OXCT1: variants seen among roughly 807,000 people sequenced by gnomAD.
OXCT1 encodes succinyl-CoA:3-ketoacid coenzyme A transferase 1, mitochondrial.
In OXCT1, 27 loss-of-function variants were observed where a neutral mutation model predicts 69.6. The ratio of observed to expected loss-of-function variants is 0.39; its 90% CI spans 0.29 to 0.54. The LOEUF is 0.54. Ranked by LOEUF, OXCT1 falls within the 20% of genes least tolerant of loss-of-function variation. OXCT1 has a pLI of 0.72. For missense variants in OXCT1, 437 were observed against 650.2 expected, an observed-to-expected ratio of 0.67 and a Z score of 3.57; for synonymous variants, 202 against 217.8, an observed-to-expected ratio of 0.93 and a Z score of 0.64.
intron 13 of OXCT1, among the ~76,000 whole-genome samples, chr5:41,788,253 GA>G (rs1352273953): frequency 6.6e-6 from 1 of 151,910 alleles, no homozygotes; most frequent in Non-Finnish European, 1.5e-5. Flanking sequence ...ATCCAACAGT[GA>G]AGATAAAATA....
intron 14 of OXCT1, among the ~76,000 whole-genome samples, chr5:41,750,736 A>G (rs1020980286): frequency 1.8e-4 from 27 of 152,024 alleles, no homozygotes; most frequent in Non-Finnish European, 2.1e-4. Flanking sequence ...AGATAGGTGG[A>G]CTCCATTAAG....
intron 7 of OXCT1, among the ~76,000 whole-genome samples, chr5:41,807,892 T>A (rs1363011837): frequency 1.3e-5 from 2 of 152,086 alleles, no homozygotes; most frequent in African/African-American, 4.8e-5. Context: ...TTTTTAAATA[T>A]AGATACAAAT....
intron 15 of OXCT1, among the ~76,000 whole-genome samples, chr5:41,745,915 A>T (rs964226243): frequency 6.6e-6 from 1 of 152,160 alleles, no homozygotes; most frequent in Non-Finnish European, 1.5e-5. Flanking sequence ...TTAATGGCTT[A>T]CCAACCAAAA....
intron 7 of OXCT1, among the ~76,000 whole-genome samples, chr5:41,826,842 C>T (rs1041372243): frequency 2.0e-5 from 3 of 152,118 alleles, no homozygotes; most frequent in African/African-American, 7.2e-5. Flanking sequence ...GCCTAAGAAG[C>T]CAATCAATCC....
chr5:41,869,272 G>A (rs947346614), intron 1 of OXCT1, among the ~76,000 whole-genome samples: 2 of 152,214 alleles, frequency 1.3e-5, no homozygotes, highest in African/African-American at 2.4e-5. Flanking sequence ...AGGCAGGCAC[G>A]CTTCAGGAGT....
At chr5:41,776,540 A>G (rs1745130476) in intron 13 of OXCT1, among the ~76,000 whole-genome samples, 1 of 152,252 alleles carries the variant, frequency 6.6e-6, no homozygotes, top group Admixed American at 6.5e-5. Context: ...TAACTCTTTA[A>G]GCCTGTTGCT....
chr5:41,858,342 G>T (rs780186042), intron 3 of OXCT1, among the ~76,000 whole-genome samples: 1 of 152,114 alleles, frequency 6.6e-6, no homozygotes, highest in Non-Finnish European at 1.5e-5. Context: ...AGGCTTACAA[G>T]ATAAAGAAAA....
At chr5:41,741,356 G>T (rs1014311566) in intron 15 of OXCT1, among the ~76,000 whole-genome samples, 1 of 152,162 alleles carries the variant, frequency 6.6e-6, no homozygotes, top group Non-Finnish European at 1.5e-5. Context: ...GTAGAGAAAA[G>T]AACCCTGGCC....
At chr5:41,743,050 CCA>C (rs1743260921) in intron 15 of OXCT1, among the ~76,000 whole-genome samples, 1 of 152,202 alleles carries the variant, frequency 6.6e-6, no homozygotes, top group Non-Finnish European at 1.5e-5. Flanking sequence ...TGAGGAATCA[CCA>C]CACTGTCTTC....
intron 15 of OXCT1, among the ~76,000 whole-genome samples, chr5:41,740,617 G>A (rs970271749): frequency 4.6e-5 from 7 of 152,236 alleles, no homozygotes; most frequent in Middle Eastern, 3.4e-3. Flanking sequence ...AGTGACCTAC[G>A]AGGTCACTTA....
At position 41,836,507 on chromosome 5, in the gene OXCT1, G is replaced by A. The variant is rs548625957; in HGVS notation, c.732+3944C>T. On this transcript the variant is annotated intron_variant, in intron 7 of 16. Transcript: ENST00000196371. ...ACAACTCATAAGTTTATCTAGAAAA[G>A]TGGTCCCCAGCTTTTTTGGCTGGTA... Among the ~76,000 whole-genome samples, 79 of 152,302 alleles carry A rather than the reference G, an allele frequency of 5.2e-4. 1 individual carries two copies. Among genetic ancestry groups the A allele is most frequent in the Admixed American group, 5.1e-3 (78 of 15,298 alleles).
chr5:41,746,525 C>T (rs190665178), intron 15 of OXCT1, among the ~76,000 whole-genome samples: 160 of 152,180 alleles, frequency 1.1e-3, no homozygotes, highest in South Asian at 5.2e-3. Context: ...CAGAGCATAG[C>T]GATAAACACA....
intron 11 of OXCT1, among the ~76,000 whole-genome samples, chr5:41,796,855 C>A (rs967294621): frequency 7.2e-5 from 11 of 152,104 alleles, no homozygotes; most frequent in African/African-American, 2.7e-4. Context: ...TTTATTATTG[C>A]CATTTTTGTT....
intron 14 of OXCT1, among the ~76,000 whole-genome samples, chr5:41,752,301 T>A (rs1743825160): frequency 2.0e-5 from 3 of 152,120 alleles, no homozygotes; most frequent in Non-Finnish European, 2.9e-5. Flanking sequence ...AGGAATCAAA[T>A]GAAATGTTCT....
At chr5:41,821,887 A>AT (rs1188043332) in intron 7 of OXCT1, among the ~76,000 whole-genome samples, 2 of 152,058 alleles carry the variant, frequency 1.3e-5, no homozygotes, top group Non-Finnish European at 2.9e-5. Flanking sequence ...AGAGTTTGTC[A>AT]TTTTTTTCCC....
intron 15 of OXCT1, among the ~76,000 whole-genome samples, chr5:41,743,341 G>T (rs1222797050): frequency 2.6e-5 from 4 of 152,128 alleles, no homozygotes; most frequent in Admixed American, 2.6e-4. Context: ...ATTTTTTCTT[G>T]TAAATTTGTT....
At chr5:41,866,022 AC>A (rs61504704) in intron 1 of OXCT1, among the ~76,000 whole-genome samples, 23,970 of 116,242 alleles carry the variant, frequency 0.21, 4,737 homozygotes, top group African/African-American at 0.5. Context: ...TGTACAGTAG[AC>A]CCCCCCCCCC....
intron 14 of OXCT1, among the ~76,000 whole-genome samples, chr5:41,752,764 A>C (rs1743858386): frequency 6.6e-6 from 1 of 151,960 alleles, no homozygotes; most frequent in Non-Finnish European, 1.5e-5. Flanking sequence ...AACAAAAACA[A>C]ACAAAAAAAA....
At chr5:41,756,868 G>T (rs1013712224) in intron 14 of OXCT1, among the ~76,000 whole-genome samples, 3 of 152,072 alleles carry the variant, frequency 2.0e-5, no homozygotes, top group African/African-American at 7.2e-5. Context: ...CAAATGCAAA[G>T]GTCCCAAGGC....
Sources: gnomAD v4.1 joint callset for allele counts (sites outside exome capture counted in the v4.1 genomes callset) on GRCh38, gnomAD v4.1.1 for gene constraint, MANE v1.5 for transcripts, NCBI Gene and HGNC (gene_info 2026-07-23, HGNC 2026-07-21) for gene names.